SHISA9: variants seen among roughly 807,000 people sequenced by gnomAD.
SHISA9 encodes the protein shisa family member 9.
A neutral mutation model predicts 38.0 loss-of-function variants in SHISA9; 13 were observed. The ratio of observed to expected loss-of-function variants is 0.34; its 90% CI spans 0.22 to 0.54. SHISA9 has a LOEUF of 0.54. SHISA9 is among the 20% of genes least tolerant of loss of function. SHISA9 has a pLI of 0.91. For missense variants in SHISA9, 538 were observed against 575.8 expected, an observed-to-expected ratio of 0.93 and a Z score of 0.67; for synonymous variants, 275 against 242.0, an observed-to-expected ratio of 1.14 and a Z score of -1.27.
the SHISA9 span, among the ~76,000 whole-genome samples, chr16:13,290,778 G>A: frequency 6.6e-6 from 1 of 152,120 alleles, no homozygotes; most frequent in African/African-American, 2.4e-5. Context: ...GAGACTCTTA[G>A]AACTGAAAGG....
At chr16:13,268,386 T>G in the SHISA9 span, among the ~76,000 whole-genome samples, 1 of 152,170 alleles carries the variant, frequency 6.6e-6, no homozygotes, top group African/African-American at 2.4e-5. Flanking sequence ...GGCACATGCC[T>G]GTAATCCCAG....
chr16:13,474,688 A>G, the SHISA9 span, among the ~76,000 whole-genome samples: 18 of 152,372 alleles, frequency 1.2e-4, no homozygotes, highest in African/African-American at 2.9e-4. Flanking sequence ...CTGATGTGAT[A>G]AAGATAGTGA....
chr16:13,060,348 A>G (rs111957112), intron 2 of SHISA9, among the ~76,000 whole-genome samples: 132 of 152,272 alleles, frequency 8.7e-4, no homozygotes, highest in African/African-American at 3.1e-3. Context: ...GCAGACTGGG[A>G]TGAAATTCTC....
the SHISA9 span, among the ~76,000 whole-genome samples, chr16:13,408,137 A>G: frequency 6.6e-6 from 1 of 152,174 alleles, no homozygotes; most frequent in Non-Finnish European, 1.5e-5. Context: ...TCTACCTAAG[A>G]CATCTCTAGA....
At chr16:13,154,593 C>G (rs2050526992) in intron 2 of SHISA9, among the ~76,000 whole-genome samples, 1 of 152,134 alleles carries the variant, frequency 6.6e-6, no homozygotes, top group Admixed American at 6.6e-5. Flanking sequence ...CATGAGTGAG[C>G]AATACAACTT....
chr16:12,986,406 G>T (rs1596565924), intron 2 of SHISA9, among the ~76,000 whole-genome samples: 1 of 149,096 alleles, frequency 6.7e-6, no homozygotes, highest in East Asian at 2.0e-4. Context: ...TTTAGAAAAT[G>T]AATGAATTAC....
At chr16:12,999,486 C>G (rs984225827) in intron 2 of SHISA9, among the ~76,000 whole-genome samples, 1 of 152,170 alleles carries the variant, frequency 6.6e-6, no homozygotes, top group Non-Finnish European at 1.5e-5. Context: ...GGTGAATTCA[C>G]AAATACAGAC....
chr16:13,189,635 G>C (rs1419134079), intron 2 of SHISA9, among the ~76,000 whole-genome samples: 1 of 152,214 alleles, frequency 6.6e-6, no homozygotes, highest in Non-Finnish European at 1.5e-5. Flanking sequence ...TGGAGAGAAA[G>C]GAGAGAGAAC....
At chr16:13,012,045 C>T (rs750881703) in intron 2 of SHISA9, among the ~76,000 whole-genome samples, 9 of 151,638 alleles carry the variant, frequency 5.9e-5, no homozygotes, top group Non-Finnish European at 1.2e-4. Flanking sequence ...AGGCTTGTCT[C>T]GAACTCCTGA....
the SHISA9 span, among the ~76,000 whole-genome samples, chr16:13,280,468 A>G: frequency 6.6e-6 from 1 of 151,690 alleles, no homozygotes; most frequent in Admixed American, 6.6e-5. Flanking sequence ...CTTTCATTGA[A>G]TCTCACAAAT....
intron 2 of SHISA9, among the ~76,000 whole-genome samples, chr16:13,000,608 G>A (rs1180699488): frequency 6.6e-6 from 1 of 152,160 alleles, no homozygotes; most frequent in Admixed American, 6.5e-5. Flanking sequence ...GCCTGTAGCA[G>A]GAGCATCCAC....
the SHISA9 span, among the ~76,000 whole-genome samples, chr16:13,300,173 G>A: frequency 6.6e-6 from 1 of 152,188 alleles, no homozygotes; most frequent in East Asian, 1.9e-4. Context: ...GCAGGCTCTC[G>A]CTCACTTTCC....
At chr16:13,101,156 G>A (rs1421840573) in intron 2 of SHISA9, among the ~76,000 whole-genome samples, 2 of 152,168 alleles carry the variant, frequency 1.3e-5, no homozygotes, top group Non-Finnish European at 2.9e-5. Context: ...GGTTTCACTT[G>A]TGCAAGATGA....
the SHISA9 span, among the ~76,000 whole-genome samples, chr16:13,272,740 T>C: frequency 6.6e-6 from 1 of 152,228 alleles, no homozygotes; most frequent in East Asian, 1.9e-4. Flanking sequence ...GCCTTGGCAG[T>C]TGGAAGATGT....
intron 2 of SHISA9, among the ~76,000 whole-genome samples, chr16:13,004,155 C>T (rs1311325003): frequency 6.6e-6 from 1 of 152,126 alleles, no homozygotes; most frequent in Non-Finnish European, 1.5e-5. Flanking sequence ...AGGTGGGTCT[C>T]TTCTTTAAGC....
At chr16:13,010,408 G>A (rs949192664) in intron 2 of SHISA9, among the ~76,000 whole-genome samples, 14 of 152,122 alleles carry the variant, frequency 9.2e-5, no homozygotes, top group Admixed American at 7.2e-4. Context: ...TTAGAGAATC[G>A]TAGCTTCAGG....
the SHISA9 span, among the ~76,000 whole-genome samples, chr16:13,407,756 C>T: frequency 6.6e-6 from 1 of 152,112 alleles, no homozygotes; most frequent in Admixed American, 6.5e-5. Flanking sequence ...TTAAAGGGAC[C>T]GTGGAGGGGA....
At chr16:13,103,113 G>C (rs1367878548) in intron 2 of SHISA9, among the ~76,000 whole-genome samples, 1 of 152,202 alleles carries the variant, frequency 6.6e-6, no homozygotes, top group Non-Finnish European at 1.5e-5. Flanking sequence ...CTGAGGCAAA[G>C]AGATAACAAG....
chr16:13,503,895 C>A, the SHISA9 span, among the ~76,000 whole-genome samples: 3 of 151,890 alleles, frequency 2.0e-5, no homozygotes, highest in Admixed American at 2.0e-4. Context: ...AAAGAGCCCA[C>A]GATAGAATAA....
Sources: gnomAD v4.1 joint callset for allele counts (sites outside exome capture counted in the v4.1 genomes callset) on GRCh38, gnomAD v4.1.1 for gene constraint, MANE v1.5 for transcripts, NCBI Gene and HGNC (gene_info 2026-07-23, HGNC 2026-07-21) for gene names.